The following CFAP92 variants were observed in gnomAD, a reference collection of about 807,000 sequenced individuals.
The protein encoded by CFAP92 is uncharacterized protein CFAP92.
Under a neutral mutation model 106.3 loss-of-function variants are expected in CFAP92, and 86 were observed. The observed-to-expected ratio is 0.81, with a 90% CI of 0.68 to 0.97. The LOEUF is 0.97. Ranked by LOEUF, CFAP92 falls within the 50% of genes least tolerant of loss-of-function variation. The pLI is 0.00. For missense variants in CFAP92, 1,204 were observed against 1,283.8 expected, an observed-to-expected ratio of 0.94 and a Z score of 0.95; for synonymous variants, 477 against 506.4, an observed-to-expected ratio of 0.94 and a Z score of 0.78.
chr3:128,913,360 G>A (rs1211921093), intron 15 of CFAP92, among the ~76,000 whole-genome samples: 1 of 152,190 alleles, frequency 6.6e-6, no homozygotes, highest in Non-Finnish European at 1.5e-5. Context: ...TTCCCACCTA[G>A]GGACTTTAGT....
chr3:128,930,633 C>T (rs1938255692), intron 12 of CFAP92, among the ~76,000 whole-genome samples: 1 of 151,906 alleles, frequency 6.6e-6, no homozygotes, highest in South Asian at 2.1e-4. Flanking sequence ...TGCCTGTAAT[C>T]CCAGCTACTC....
In CFAP92 at chr3:128,916,035, C is replaced by T. The variant is rs187378980; in HGVS notation, c.2916+72G>A. ...TATAGTTGAGATCCCCCACTGACCT[C>T]CAGGCAGGCATGGTCAGAATAAAGA... On this transcript the variant is annotated intron_variant, in intron 13 of 15. Coordinates refer to ENST00000645291, the MANE Select transcript of CFAP92 (RefSeq NM_001394090.1). The T allele has an allele frequency of 1.5e-3, 1,723 of 1,122,710 alleles. 3 individuals are homozygous for T. Among genetic ancestry groups the T allele is most frequent in the Middle Eastern group, 3.3e-3 (10 of 3,004 alleles). 69.5% of individuals were successfully genotyped at this position (1,122,710 alleles called of 1,614,324 possible).
intron 12 of CFAP92, among the ~76,000 whole-genome samples, chr3:128,917,793 T>G (rs903788487): frequency 7.9e-5 from 12 of 152,202 alleles, no homozygotes; most frequent in African/African-American, 2.9e-4. Flanking sequence ...GAGATATGCT[T>G]TCAGAAAGCA....
intron 12 of CFAP92, among the ~76,000 whole-genome samples, chr3:128,923,939 A>G (rs751058118): frequency 7.2e-5 from 11 of 152,206 alleles, no homozygotes; most frequent in Non-Finnish European, 1.3e-4. Flanking sequence ...TCCACAATCA[A>G]TCCTCTTAAA....
chr3:128,912,738 G>A (rs776775739), intron 15 of CFAP92: 1 of 901,114 alleles, frequency 1.1e-6, no homozygotes, highest in South Asian at 1.3e-5. Context: ...TGCACCTGAA[G>A]GGTTGTCGCC....
chr3:128,967,224 T>A (rs1487326400), intron 8 of CFAP92: 1 of 152,172 alleles, frequency 6.6e-6, no homozygotes, highest in Non-Finnish European at 1.5e-5. Flanking sequence ...AGTAGGCACT[T>A]CTAAAACAAG....
At chr3:128,996,712 C>A (rs1379206396), upstream of CFAP92, among the ~76,000 whole-genome samples, 4 of 152,252 alleles carry the variant, frequency 2.6e-5, no homozygotes, top group African/African-American at 4.8e-5. Context: ...GAGTAGTTCT[C>A]TGCTGGCCTC....
At chr3:128,916,340 G>T in intron 12 of CFAP92, 69 bp from the exon 13 acceptor site, 1 of 1,041,894 alleles carries the variant, frequency 9.6e-7, no homozygotes, top group Non-Finnish European at 1.2e-6. Context: ...CTCATATGCA[G>T]TGAGATGATC....
In CFAP92 at chr3:128,915,555, T is replaced by C; in HGVS notation, c.2925A>G (p.Arg975=). The change falls in exon 14 of 16, where the codon AGA becomes AGG. Residue 975 remains arginine (R), a synonymous_variant. Transcript: ENST00000645291. ...AATCCTGTGAGTACGTGAATCTCTT[T>C]CTTGGCTCCTAGAAATGGGGGCAGA... ...ELYQEIAKEP[R]KRFTYSQDYL... 6.6e-7 allele frequency: 1 copy of C among 1,510,796 alleles called. No individual in the cohort carries two copies. The highest frequency in any genetic ancestry group is 8.8e-7 in the Non-Finnish European group (1 of 1,134,444). 93.6% of individuals were successfully genotyped at this position (1,510,796 alleles called of 1,614,324 possible).
chr3:128,940,868 T>C (rs905353026), intron 10 of CFAP92, among the ~76,000 whole-genome samples: 1 of 152,096 alleles, frequency 6.6e-6, no homozygotes, highest in African/African-American at 2.4e-5. Flanking sequence ...TTTTAAAGTA[T>C]GGACTTTGAT....
At chr3:129,001,818 C>T in intron 1 of CFAP92, 1 of 1,545,618 alleles carries the variant, frequency 6.5e-7, no homozygotes, top group Non-Finnish European at 8.7e-7. Context: ...GGAGGTCTTC[C>T]ACCACCTGGA....
upstream of CFAP92, among the ~76,000 whole-genome samples, chr3:129,003,033 C>T (rs931625239): frequency 6.6e-6 from 1 of 152,174 alleles, no homozygotes; most frequent in Non-Finnish European, 1.5e-5. Context: ...CAGTGCTGGG[C>T]CGCAGGGGTC....
the CFAP92 span, among the ~76,000 whole-genome samples, chr3:129,013,113 TC>T: frequency 6.6e-6 from 1 of 152,122 alleles, no homozygotes; most frequent in African/African-American, 2.4e-5. Context: ...CTGGCCTAAG[TC>T]AGGGGTAGTA....
Position 128,988,715 on chromosome 3 carries a change from C to T in CFAP92, c.453+13G>A, listed in dbSNP as rs745834115. ...CAGACCATACACAAGGCCACACACA[C>T]TCACACACGCACCTTTACTCCTGAC... On this transcript the variant is annotated intron_variant, in intron 3 of 15. Transcript: ENST00000645291. The T allele has an allele frequency of 6.2e-6, 10 of 1,613,270 alleles. No individual in the cohort carries two copies. The South Asian group carries it at 8.8e-5, about 14-fold the overall frequency.
At chr3:129,024,403 C>A in the CFAP92 span, among the ~76,000 whole-genome samples, 1 of 151,948 alleles carries the variant, frequency 6.6e-6, no homozygotes, top group Non-Finnish European at 1.5e-5. Context: ...TGGTTGCACA[C>A]ACCTGTAGTC....
rs371666375 is a variant in CFAP92, at chr3:128,910,131, C to T, written c.*168G>A. 1.2e-6 allele frequency: 2 copies of T among 1,613,956 alleles called. No homozygotes were observed. Among genetic ancestry groups the T allele is most frequent in the African/African-American group, 1.3e-5 (1 of 74,948 alleles). ...CCAGCCGCTCCATCCGCATTGGGCT[C>T]CGCAACCACGACCACGAGGTGAGCC... On this transcript the variant is annotated 3_prime_UTR_variant, in exon 16 of 16. Coordinates refer to ENST00000645291, the MANE Select transcript of CFAP92 (RefSeq NM_001394090.1).
At chr3:129,008,703 T>G in the CFAP92 span, among the ~76,000 whole-genome samples, 2 of 152,214 alleles carry the variant, frequency 1.3e-5, no homozygotes, top group African/African-American at 4.8e-5. Context: ...CTTTCAGAGC[T>G]GTAGGAGTTG....
intron 9 of CFAP92, 96 bp from the exon 10 acceptor site, chr3:128,946,071 C>G: frequency 1.2e-6 from 1 of 868,882 alleles, no homozygotes; most frequent in Non-Finnish European, 1.6e-6. Flanking sequence ...AGGCTCATTG[C>G]CTGTCCCTGT....
At position 128,958,718 on chromosome 3, in the gene CFAP92, T is replaced by C. The variant is rs117317680; in HGVS notation, c.1353+6793A>G. On this transcript the variant is annotated intron_variant, in intron 9 of 15. Coordinates refer to ENST00000645291, the MANE Select transcript of CFAP92 (RefSeq NM_001394090.1). ...GAGTTCAGGACCAGCCTGCGCAACATGGCAAAACCCTGTCTCTACAAAAAA... is the reference window on the plus strand; with the variant it reads ...GAGTTCAGGACCAGCCTGCGCAACACGGCAAAACCCTGTCTCTACAAAAAA... 2.0e-5 allele frequency among the ~76,000 whole-genome samples: 3 copies of C among 151,902 alleles called. No individual in the cohort carries two copies. In the East Asian group the frequency reaches 5.8e-4, roughly 29 times the overall value.
Sources: allele counts gnomAD v4.1 joint callset (sites outside exome capture counted in the v4.1 genomes callset), GRCh38; gene constraint gnomAD v4.1.1; transcripts MANE v1.5; gene names NCBI Gene and HGNC (gene_info 2026-07-23, HGNC 2026-07-21).